Variants in PODXL2 observed in about 807,000 individuals in gnomAD.
PODXL2 encodes the protein podocalyxin-like protein 2.
A neutral mutation model predicts 53.4 loss-of-function variants in PODXL2; 17 were observed. The ratio of observed to expected loss-of-function variants is 0.32; its 90% confidence interval spans 0.22 to 0.48. PODXL2 has a LOEUF of 0.48. Among genes scored for constraint, PODXL2 ranks in the 20% least tolerant of loss-of-function variants. PODXL2 has a pLI of 0.99. For missense variants in PODXL2, 673 were observed against 760.0 expected, an observed-to-expected ratio of 0.89 and a Z score of 1.35; for synonymous variants, 311 against 306.7, an observed-to-expected ratio of 1.01 and a Z score of -0.15.
chr3:127,645,324 C>T (rs759756289), intron 2 of PODXL2, among the ~76,000 whole-genome samples: 1 of 152,196 alleles, frequency 6.6e-6, no homozygotes, highest in Admixed American at 6.5e-5. Context: ...CTGGCCTATT[C>T]CCTAAGCCTG....
In PODXL2 at chr3:127,629,291, T is replaced by C; in HGVS notation, c.70+2T>C. ...CGCTGCTGCTTCTGCTGGTTGGGGGTGAGTGCGCTCCGGGCCCGAGCGCGG... is the reference window on the plus strand; with the variant it reads ...CGCTGCTGCTTCTGCTGGTTGGGGGCGAGTGCGCTCCGGGCCCGAGCGCGG... On this transcript the variant is annotated splice_donor_variant, in intron 1 of 7. Transcript: ENST00000342480. LOFTEE classifies it high-confidence loss of function. This position sits in a 1 kb window ranked among gnomAD's most constrained non-coding sequence, Gnocchi z 6.4. 1 of 1,012,544 alleles carries C rather than the reference T, an allele frequency of 9.9e-7. No individual in the cohort carries two copies. The highest frequency in any genetic ancestry group is 1.2e-6 in the Non-Finnish European group (1 of 849,374). 62.7% of individuals were successfully genotyped at this position (1,012,544 alleles called of 1,614,324 possible).
At chr3:127,649,550 T>C (rs1247243889) in intron 2 of PODXL2, among the ~76,000 whole-genome samples, 1 of 152,272 alleles carries the variant, frequency 6.6e-6, no homozygotes, top group Non-Finnish European at 1.5e-5. Flanking sequence ...ACTTTGAATG[T>C]ATACATATAC....
Position 127,662,231 on chromosome 3 carries a change from G to C in PODXL2, c.1132-6G>C, listed in dbSNP as rs201092495. On this transcript the variant is annotated splice_region_variant and splice_polypyrimidine_tract_variant and intron_variant, in intron 3 of 7. Transcript: ENST00000342480. Reference sequence around the variant, plus strand: ...CTGTCGCCCTTCTTTCTGTCTCCTCGCACAGGTGATCTGCAAGGACTGGAG... The same window carrying C: ...CTGTCGCCCTTCTTTCTGTCTCCTCCCACAGGTGATCTGCAAGGACTGGAG... The C allele has an allele frequency of 1.2e-6, 2 of 1,612,662 alleles. No homozygotes were observed. Among genetic ancestry groups the C allele is most frequent in the Admixed American group, 3.3e-5 (2 of 59,984 alleles).
Position 127,646,912 on chromosome 3 carries a change from CAT to C in PODXL2, c.349+7390_349+7391del, listed in dbSNP as rs1229667483. Among the ~76,000 whole-genome samples the C allele has an allele frequency of 1.8e-4, 27 of 152,272 alleles. No homozygotes were observed. The Middle Eastern group carries it at 0.017, about 96-fold the overall frequency. ...TTGCCAAGGGAGCACATTGATGACACATGTGAGACAGGAAACCAGTCCATTCT... is the reference window on the plus strand; with the variant it reads ...TTGCCAAGGGAGCACATTGATGACACGTGAGACAGGAAACCAGTCCATTCT... On this transcript the variant is annotated intron_variant, in intron 2 of 7. Transcript: ENST00000342480.
At chr3:127,663,260 C>T (rs1055694893) in intron 4 of PODXL2, among the ~76,000 whole-genome samples, 2 of 152,264 alleles carry the variant, frequency 1.3e-5, no homozygotes, top group Admixed American at 6.5e-5. Flanking sequence ...GCCCCTATTC[C>T]GGGGCATCTG....
chr3:127,639,143 C>T, intron 1 of PODXL2, 102 bp from the exon 2 acceptor site: 4 of 1,210,488 alleles, frequency 3.3e-6, no homozygotes, highest in Admixed American at 2.4e-5. Context: ...CTGAAGTCCC[C>T]CCTTCCCCAG....
intron 1 of PODXL2, among the ~76,000 whole-genome samples, chr3:127,630,423 T>C (rs759426420): frequency 3.9e-5 from 6 of 152,178 alleles, no homozygotes; most frequent in Admixed American, 6.5e-5. Flanking sequence ...TGTATGTGCA[T>C]GTAGGAGTGT....
intron 2 of PODXL2, among the ~76,000 whole-genome samples, chr3:127,657,381 T>A (rs1216110616): frequency 6.6e-6 from 1 of 152,224 alleles, no homozygotes; most frequent in Non-Finnish European, 1.5e-5. Flanking sequence ...ATCAGCTATT[T>A]TAAGTGCGTC....
chr3:127,662,436 C>G (rs180864808), intron 4 of PODXL2, 125 bp downstream of exon 4: 173 of 646,276 alleles, frequency 2.7e-4, no homozygotes, highest in African/African-American at 2.4e-3. Flanking sequence ...GTTGGTGGCC[C>G]AGGGATATAC....
intron 2 of PODXL2, among the ~76,000 whole-genome samples, chr3:127,657,285 C>T (rs1215174051): frequency 6.6e-6 from 1 of 152,184 alleles, no homozygotes; most frequent in Non-Finnish European, 1.5e-5. Context: ...CTTGCCCTCC[C>T]AGGACTTCCC....
chr3:127,633,378 T>G (rs2074559034), intron 1 of PODXL2, among the ~76,000 whole-genome samples: 1 of 152,226 alleles, frequency 6.6e-6, no homozygotes, highest in Admixed American at 6.5e-5. Flanking sequence ...AGAAACCAGC[T>G]AATTTCAGCT....
At chr3:127,670,512 TGGCCAA>T (rs2074825831) in intron 6 of PODXL2, among the ~76,000 whole-genome samples, 1 of 152,220 alleles carries the variant, frequency 6.6e-6, no homozygotes, top group Non-Finnish European at 1.5e-5. Flanking sequence ...CACACTGACT[TGGCCAA>T]AAGTCATGCT....
At position 127,639,377 on chromosome 3, in the gene PODXL2, T is replaced by A; in HGVS notation, c.203T>A (p.Met68Lys). ...GACTCAGAGGAGCCTAGTGAGACCA[T>A]GGGCCTGGGAGCTGGGCTGGGAGCC... ...PLDSEEPSETMGLGAGLGAPG... is the reference protein window; with the variant it reads ...PLDSEEPSETKGLGAGLGAPG... Residue 68 changes from methionine to lysine, a missense_variant, in exon 2 of 8, where the codon ATG (methionine) becomes AAG (lysine). Met to Lys is a moderately conservative substitution (Grantham distance 95). This residue lies in a region of PODXL2 where 588 missense variants were observed against 668.3 expected (regional missense o/e 0.88). Transcript: ENST00000342480. The A allele has an allele frequency of 6.2e-7, 1 of 1,614,224 alleles. No individual in the cohort carries two copies. Among genetic ancestry groups the A allele is most frequent in the South Asian group, 1.1e-5 (1 of 91,084 alleles).
intron 2 of PODXL2, among the ~76,000 whole-genome samples, chr3:127,655,661 A>G (rs2074719859): frequency 2.0e-5 from 3 of 152,246 alleles, no homozygotes; most frequent in Admixed American, 2.0e-4. Flanking sequence ...TGTAAAAAGA[A>G]AAGGAATAAT....
intron 2 of PODXL2, among the ~76,000 whole-genome samples, 186 bp downstream of exon 2, chr3:127,639,709 G>A (rs2074602308): frequency 6.6e-6 from 1 of 152,220 alleles, no homozygotes; most frequent in Admixed American, 6.5e-5. Context: ...GGCCCAGGAG[G>A]CCCTTTCTCT....
At chr3:127,668,744 G>C (rs539178399) in intron 5 of PODXL2, 147 bp downstream of exon 5, 2 of 801,186 alleles carry the variant, frequency 2.5e-6, no homozygotes, top group African/African-American at 3.5e-5. Context: ...TAGTGGTCAA[G>C]GTGTACCCAC....
chr3:127,659,770 AG>A (rs1282212441), intron 2 of PODXL2, among the ~76,000 whole-genome samples: 1 of 152,232 alleles, frequency 6.6e-6, no homozygotes, highest in Admixed American at 6.5e-5. Flanking sequence ...ACATTCTGGG[AG>A]GCCCTGGAAA....
Position 127,672,510 on chromosome 3 carries a change from G to C in PODXL2, c.*30G>C. 1.4e-6 allele frequency: 2 copies of C among 1,385,996 alleles called. No individual in the cohort carries two copies. Among genetic ancestry groups the C allele is most frequent in the Non-Finnish European group, 1.9e-6 (2 of 1,045,618 alleles). The allele number at this position is 1,385,996 out of a possible 1,614,324, so 85.9% of individuals were successfully genotyped here. A position where few individuals can be genotyped will look rare whatever the true frequency, so the allele number is the denominator to read the frequency against. ...AGCCGAGGCGCAGGCCGAGTGGGCC[G>C]CCAGGACCAAGCGAGGTGGACCCCG... On this transcript the variant is annotated 3_prime_UTR_variant, in exon 8 of 8. Coordinates refer to ENST00000342480, the MANE Select transcript of PODXL2 (RefSeq NM_015720.4).
At chr3:127,667,765 C>A (rs2074803154) in intron 4 of PODXL2, among the ~76,000 whole-genome samples, 2 of 152,352 alleles carry the variant, frequency 1.3e-5, no homozygotes, top group East Asian at 3.9e-4. Context: ...TCCCTCTGTT[C>A]CAGCCCAGCT....
Sources: gnomAD v4.1 joint callset for allele counts (sites outside exome capture counted in the v4.1 genomes callset) on GRCh38, gnomAD v4.1.1 for gene constraint, gnomAD v4.1.1 regional missense constraint, Gnocchi (gnomAD v3.1) non-coding constraint, MANE v1.5 for transcripts, NCBI Gene and HGNC (gene_info 2026-07-23, HGNC 2026-07-21) for gene names.